Variants in IFT80 observed in about 807,000 individuals in gnomAD.
IFT80 encodes intraflagellar transport protein 80 homolog.
Under a neutral mutation model 107.9 loss-of-function variants are expected in IFT80, and 79 were observed. The observed-to-expected ratio is 0.73, with a 90% CI of 0.61 to 0.88. The LOEUF is 0.88. IFT80 is among the 40% of genes least tolerant of loss of function. The probability of loss-of-function intolerance (pLI) is 0.00; values close to 1 mark genes in which losing one functional copy is unlikely to be tolerated. For missense variants in IFT80, 797 were observed against 914.2 expected, an observed-to-expected ratio of 0.87 and a Z score of 1.65; for synonymous variants, 299 against 300.9, an observed-to-expected ratio of 0.99 and a Z score of 0.07.
rs537057778 is a variant in IFT80, at chr3:160,274,385, A to G, written c.2099+2921T>C. 9 of 152,330 alleles carry G rather than the reference A, an allele frequency of 5.9e-5. No individual in the cohort carries two copies. In the South Asian group the frequency reaches 1.9e-3, roughly 32 times the overall value. 9.4% of individuals were successfully genotyped at this position (152,330 alleles called of 1,614,324 possible). On this transcript the variant is annotated intron_variant, in intron 18 of 19. Transcript: ENST00000326448. ...TCAGAAGGTTATATTATAGGCCATC[A>G]GAGGCAAATTTCCTCACCTTCTTCT...
chr3:160,298,538 C>A (rs1716165840), intron 12 of IFT80, among the ~76,000 whole-genome samples: 1 of 152,074 alleles, frequency 6.6e-6, no homozygotes, highest in African/African-American at 2.4e-5. Flanking sequence ...TATCAATTAT[C>A]AATGGATTAA....
chr3:160,314,153 C>T (rs1335815022), intron 9 of IFT80, among the ~76,000 whole-genome samples: 1 of 152,090 alleles, frequency 6.6e-6, no homozygotes, highest in African/African-American at 2.4e-5. Context: ...ATTTCATCTT[C>T]AATATTACTC....
intron 8 of IFT80, among the ~76,000 whole-genome samples, chr3:160,335,532 C>A (rs1416417587): frequency 2.0e-5 from 3 of 152,012 alleles, no homozygotes; most frequent in African/African-American, 7.2e-5. Context: ...CTAAAAATCC[C>A]AATTCTTAAG....
intron 6 of IFT80, among the ~76,000 whole-genome samples, chr3:160,362,731 C>A (rs1230912478): frequency 6.6e-6 from 1 of 152,054 alleles, no homozygotes; most frequent in Admixed American, 6.6e-5. Context: ...AATAAAGAAA[C>A]GTAATCCATC....
chr3:160,377,241 G>A (rs1712096443), intron 4 of IFT80, among the ~76,000 whole-genome samples, 189 bp downstream of exon 4: 1 of 152,050 alleles, frequency 6.6e-6, no homozygotes, highest in Non-Finnish European at 1.5e-5. Flanking sequence ...AGTCTCCAAA[G>A]GTCACATAAG....
intron 3 of IFT80, 58 bp from the exon 4 acceptor site, chr3:160,377,598 C>A (rs1712124693): frequency 1.0e-6 from 1 of 955,364 alleles, no homozygotes; most frequent in Admixed American, 1.8e-5. Flanking sequence ...AAAGCACCTA[C>A]TACTAGACTA....
At chr3:160,387,256 A>G (rs1463561998) in intron 1 of IFT80, among the ~76,000 whole-genome samples, 1 of 152,262 alleles carries the variant, frequency 6.6e-6, no homozygotes, top group Non-Finnish European at 1.5e-5. Context: ...CTGTAATCCC[A>G]GCACTTTGGG....
chr3:160,316,747 T>C (rs1717850856), intron 9 of IFT80, among the ~76,000 whole-genome samples: 1 of 152,088 alleles, frequency 6.6e-6, no homozygotes, highest in Non-Finnish European at 1.5e-5. Context: ...GCTCAGCATA[T>C]GAAATCCAAG....
In IFT80 at chr3:160,361,124, A is replaced by G. The variant is rs562205031; in HGVS notation, c.550-3546T>C. On this transcript the variant is annotated intron_variant, in intron 6 of 19. Transcript: ENST00000326448. ...CAAGATCCATCAGTGTGCTGTATTCAGGAGAACCATCTCACATGCAGAGAC... is the reference window on the plus strand; with the variant it reads ...CAAGATCCATCAGTGTGCTGTATTCGGGAGAACCATCTCACATGCAGAGAC... Among the ~76,000 whole-genome samples, 18 of 152,364 alleles carry G rather than the reference A, an allele frequency of 1.2e-4. No homozygotes were observed. In the South Asian group the frequency reaches 3.5e-3, roughly 30 times the overall value.
chr3:160,275,534 C>A (rs1714194295), intron 18 of IFT80, among the ~76,000 whole-genome samples: 1 of 152,096 alleles, frequency 6.6e-6, no homozygotes, highest in Non-Finnish European at 1.5e-5. Flanking sequence ...AGTTAATATT[C>A]ATTCTATGTG....
intron 8 of IFT80, among the ~76,000 whole-genome samples, chr3:160,323,981 T>G (rs561790903): frequency 2.6e-5 from 4 of 152,106 alleles, no homozygotes; most frequent in South Asian, 4.2e-4. Flanking sequence ...CAAACTACCA[T>G]CAGAGAATAC....
intron 4 of IFT80, among the ~76,000 whole-genome samples, chr3:160,376,557 T>C (rs1712043352): frequency 6.6e-6 from 1 of 152,218 alleles, no homozygotes; most frequent in South Asian, 2.1e-4. Context: ...TCAAATTCTT[T>C]CTTATTCTTC....
intron 19 of IFT80, among the ~76,000 whole-genome samples, chr3:160,263,833 C>T (rs925217206): frequency 8.6e-5 from 13 of 151,704 alleles, no homozygotes; most frequent in African/African-American, 2.7e-4. Flanking sequence ...CATGCCACCA[C>T]GCCTGCTAAT....
intron 12 of IFT80, among the ~76,000 whole-genome samples, chr3:160,298,275 A>T (rs1255797394): frequency 6.6e-6 from 1 of 152,106 alleles, no homozygotes; most frequent in Non-Finnish European, 1.5e-5. Context: ...TGTGTTTCCT[A>T]TTGTTAGCAT....
At chr3:160,357,277 T>C (rs1721163346) in intron 7 of IFT80, among the ~76,000 whole-genome samples, 1 of 152,142 alleles carries the variant, frequency 6.6e-6, no homozygotes, top group Non-Finnish European at 1.5e-5. Flanking sequence ...TTTTTTTTTG[T>C]AGAGGTAGGG....
At chr3:160,345,413 TAGA>T (rs1298470363) in intron 8 of IFT80, among the ~76,000 whole-genome samples, 1 of 151,054 alleles carries the variant, frequency 6.6e-6, no homozygotes, top group Non-Finnish European at 1.5e-5. Context: ...AGATAGAGAG[TAGA>T]AGGATGATGC....
chr3:160,384,735 C>T (rs1423793058), intron 1 of IFT80, 89 bp from the exon 2 acceptor site: 4 of 958,774 alleles, frequency 4.2e-6, no homozygotes, highest in Non-Finnish European at 4.7e-6. Flanking sequence ...AACATCATTG[C>T]ACCCCAACGA....
intron 9 of IFT80, among the ~76,000 whole-genome samples, chr3:160,311,344 A>G (rs73875254): frequency 0.21 from 32,085 of 152,180 alleles, 3,724 homozygotes; most frequent in Non-Finnish European, 0.26. Context: ...TGATAAAAAC[A>G]AACCAACTAG....
chr3:160,391,252 C>T lies in IFT80; in HGVS notation c.-46-6606G>A, dbSNP rs188462664. Among the ~76,000 whole-genome samples the T allele has an allele frequency of 6.8e-3, 1,036 of 152,290 alleles. 8 individuals carry two copies. The highest frequency in any genetic ancestry group is 0.014 in the Middle Eastern group (4 of 294). On this transcript the variant is annotated intron_variant, in intron 1 of 19. Coordinates refer to ENST00000326448, the MANE Select transcript of IFT80 (RefSeq NM_020800.3). ...CCCAAGAACACTCCTGGGCTAACCCCCAGTTTTGGAGCTTGCCTGCCCTGC... is the reference window on the plus strand; with the variant it reads ...CCCAAGAACACTCCTGGGCTAACCCTCAGTTTTGGAGCTTGCCTGCCCTGC...
Sources: allele counts gnomAD v4.1 joint callset (sites outside exome capture counted in the v4.1 genomes callset), GRCh38; gene constraint gnomAD v4.1.1; transcripts MANE v1.5; gene names NCBI Gene and HGNC (gene_info 2026-07-23, HGNC 2026-07-21).